The following TMCO5A variants were observed in gnomAD, a reference collection of about 807,000 sequenced individuals.
TMCO5A encodes the protein transmembrane and coiled-coil domain-containing protein 5A.
TMCO5A carries 34 observed loss-of-function variants against 42.3 expected under a neutral mutation model. The observed-to-expected ratio is 0.80, with a 90% CI of 0.61 to 1.07. The LOEUF (loss-of-function observed/expected upper bound fraction) is 1.07. TMCO5A is among the 50% of genes least tolerant of loss of function. TMCO5A has a pLI of 0.00. For missense variants in TMCO5A, 357 were observed against 327.9 expected, an observed-to-expected ratio of 1.09 and a Z score of -0.69; for synonymous variants, 131 against 115.6, an observed-to-expected ratio of 1.13 and a Z score of -0.86.
At chr15:37,937,041 T>A in intron 4 of TMCO5A, 71 bp downstream of exon 4, 2 of 1,584,486 alleles carry the variant, frequency 1.3e-6, no homozygotes, top group Non-Finnish European at 1.7e-6. Context: ...AATTATCAGA[T>A]AAGCTTGTCT....
the TMCO5A span, among the ~76,000 whole-genome samples, chr15:38,035,059 G>T: frequency 6.6e-6 from 1 of 152,178 alleles, no homozygotes; most frequent in Non-Finnish European, 1.5e-5. Flanking sequence ...TTGGGAGTAT[G>T]GATAGAGCTT....
the TMCO5A span, among the ~76,000 whole-genome samples, chr15:37,998,303 T>C: frequency 8.5e-5 from 13 of 152,204 alleles, no homozygotes; most frequent in African/African-American, 2.9e-4. Flanking sequence ...AGTTCCCTAA[T>C]GTTTTCTTTT....
the TMCO5A span, among the ~76,000 whole-genome samples, chr15:38,009,186 A>C: frequency 6.6e-6 from 1 of 152,232 alleles, no homozygotes; most frequent in Non-Finnish European, 1.5e-5. Flanking sequence ...TTTGATCAAC[A>C]CAAAAATCAC....
chr15:37,954,649 CACA>C (rs1357645895), downstream of TMCO5A, among the ~76,000 whole-genome samples: 1 of 152,028 alleles, frequency 6.6e-6, no homozygotes, highest in African/African-American at 2.4e-5. Flanking sequence ...CACAGAAAAA[CACA>C]ACATTATAAC....
intron 2 of TMCO5A, 30 bp from the exon 3 acceptor site, chr15:37,936,284 C>T (rs746345685): frequency 6.3e-7 from 1 of 1,588,132 alleles, no homozygotes; most frequent in Non-Finnish European, 8.5e-7. Flanking sequence ...GATAACTGGC[C>T]CTTGTTCATT....
At chr15:38,001,900 A>G in the TMCO5A span, among the ~76,000 whole-genome samples, 1 of 152,142 alleles carries the variant, frequency 6.6e-6, no homozygotes, top group African/African-American at 2.4e-5. Context: ...TGTAGTTACT[A>G]TTTTTGATAG....
At chr15:37,972,963 A>C in the TMCO5A span, among the ~76,000 whole-genome samples, 1 of 152,286 alleles carries the variant, frequency 6.6e-6, no homozygotes, top group South Asian at 2.1e-4. Context: ...ATATGGTGTA[A>C]GGAAGGAGTT....
chr15:37,993,623 AC>A, the TMCO5A span: 1 of 152,038 alleles, frequency 6.6e-6, no homozygotes, highest in Non-Finnish European at 1.5e-5. Context: ...AAGAGTGCTG[AC>A]CCTTTAAATC....
At chr15:37,983,413 T>C in the TMCO5A span, among the ~76,000 whole-genome samples, 4 of 152,178 alleles carry the variant, frequency 2.6e-5, no homozygotes, top group African/African-American at 9.6e-5. Context: ...GCTTGGCCTG[T>C]CTGTAAAATC....
chr15:37,991,487 G>A, the TMCO5A span, among the ~76,000 whole-genome samples: 1 of 152,080 alleles, frequency 6.6e-6, no homozygotes, highest in Non-Finnish European at 1.5e-5. Flanking sequence ...TTACATTTAT[G>A]TCTTTTATCA....
At chr15:37,990,506 C>G in the TMCO5A span, among the ~76,000 whole-genome samples, 1 of 151,986 alleles carries the variant, frequency 6.6e-6, no homozygotes, top group East Asian at 1.9e-4. Context: ...ATCTCTGGAT[C>G]TAAAGTGAAT....
the TMCO5A span, among the ~76,000 whole-genome samples, chr15:37,988,939 G>A: frequency 6.6e-6 from 1 of 151,826 alleles, no homozygotes; most frequent in Non-Finnish European, 1.5e-5. Flanking sequence ...TAAATGTTTG[G>A]TACATTTCTC....
the TMCO5A span, among the ~76,000 whole-genome samples, chr15:37,996,716 T>C: frequency 6.6e-6 from 1 of 152,176 alleles, no homozygotes; most frequent in South Asian, 2.1e-4. Context: ...TGGCTCTAAG[T>C]AAGCCCTTAC....
At chr15:37,942,529 G>A in intron 9 of TMCO5A, 1 of 301,038 alleles carries the variant, frequency 3.3e-6, no homozygotes, top group Non-Finnish European at 6.2e-6. Flanking sequence ...GATATTAAGA[G>A]TAAAAACATG....
chr15:37,980,149 C>T, the TMCO5A span, among the ~76,000 whole-genome samples: 19 of 152,280 alleles, frequency 1.2e-4, no homozygotes, highest in African/African-American at 4.6e-4. Context: ...GCGGTACCGG[C>T]GGCTGCACTA....
chr15:37,936,295 T>C lies in TMCO5A; in HGVS notation c.-10-19T>C, dbSNP rs775687402. The stretch of plus-strand genomic sequence containing the variant: ...TTGAGATAACTGGCCCTTGTTCATT[T>C]TGGGGGCTGAGTCTATAGGTCGGAG... On this transcript the variant is annotated intron_variant, in intron 2 of 11. Transcript: ENST00000319669. 16 of 1,594,662 alleles carry C rather than the reference T, an allele frequency of 1.0e-5. No homozygotes were observed. The Admixed American group carries it at 1.3e-4, about 13-fold the overall frequency.
At chr15:38,035,639 A>G in the TMCO5A span, among the ~76,000 whole-genome samples, 2 of 152,198 alleles carry the variant, frequency 1.3e-5, no homozygotes, top group African/African-American at 2.4e-5. Flanking sequence ...CTGCAAAGGT[A>G]CAGAATGCCT....
chr15:37,964,934 A>G (rs1271397911), intron 11 of TMCO5A, among the ~76,000 whole-genome samples: 2 of 152,194 alleles, frequency 1.3e-5, no homozygotes, highest in African/African-American at 4.8e-5. Context: ...ATAGGGAGCC[A>G]CTGAAGACCC....
chr15:37,997,242 C>T, the TMCO5A span, among the ~76,000 whole-genome samples: 1 of 152,178 alleles, frequency 6.6e-6, no homozygotes, highest in Non-Finnish European at 1.5e-5. Flanking sequence ...AAAGATTTTA[C>T]AGATGCACTC....
Sources: allele counts gnomAD v4.1 joint callset (sites outside exome capture counted in the v4.1 genomes callset), GRCh38; gene constraint gnomAD v4.1.1; transcripts MANE v1.5; gene names NCBI Gene and HGNC (gene_info 2026-07-23, HGNC 2026-07-21).